MED12L: variants seen among roughly 807,000 people sequenced by gnomAD.
MED12L encodes mediator complex subunit 12L, also known as mediator of RNA polymerase II transcription subunit 12-like protein.
A neutral mutation model predicts 281.3 loss-of-function variants in MED12L; 60 were observed. That is an observed-to-expected ratio of 0.21 (90% CI 0.17 to 0.26). MED12L has a LOEUF of 0.26. Among genes scored for constraint, MED12L ranks in the 10% least tolerant of loss-of-function variants. The probability of loss-of-function intolerance (pLI) is 1.00; values close to 1 mark genes in which losing one functional copy is unlikely to be tolerated. For missense variants in MED12L, 2,146 were observed against 2,680.9 expected, an observed-to-expected ratio of 0.80 and a Z score of 4.41; for synonymous variants, 974 against 987.2, an observed-to-expected ratio of 0.99 and a Z score of 0.25.
chr3:151,220,055 T>C (rs1729035695), intron 16 of MED12L, among the ~76,000 whole-genome samples: 1 of 150,098 alleles, frequency 6.7e-6, no homozygotes, highest in African/African-American at 2.5e-5. Context: ...GGCCAGATAA[T>C]TATTTATTTT....
chr3:151,281,795 A>T (rs1742850129), intron 16 of MED12L, among the ~76,000 whole-genome samples: 1 of 152,150 alleles, frequency 6.6e-6, no homozygotes, highest in South Asian at 2.1e-4. Context: ...CCATTTAGAG[A>T]CAGGACTCTG....
intron 19 of MED12L, among the ~76,000 whole-genome samples, chr3:151,356,686 A>G (rs1753965143): frequency 6.6e-6 from 1 of 152,000 alleles, no homozygotes; most frequent in African/African-American, 2.4e-5. Flanking sequence ...AGCAAAGATG[A>G]AAGTTTATTT....
At chr3:151,259,712 A>G (rs568860337) in intron 16 of MED12L, among the ~76,000 whole-genome samples, 2 of 152,234 alleles carry the variant, frequency 1.3e-5, no homozygotes, top group African/African-American at 2.4e-5. Context: ...TCTACTGTGT[A>G]TAAATACTCT....
intron 43 of MED12L, among the ~76,000 whole-genome samples, chr3:151,428,262 C>G (rs898705328): frequency 1.3e-5 from 2 of 152,132 alleles, no homozygotes; most frequent in African/African-American, 4.8e-5. Context: ...GGAACAGTAC[C>G]TGGCACATAG....
In MED12L at chr3:151,434,953, A is replaced by G. The variant is rs1719935001; in HGVS notation, c.*2149A>G. 6.6e-6 allele frequency: 1 copy of G among 151,988 alleles called. No homozygotes were observed. Among genetic ancestry groups the G allele is most frequent in the African/African-American group, 2.4e-5 (1 of 41,388 alleles). 9.4% of individuals were successfully genotyped at this position (151,988 alleles called of 1,614,324 possible). On this transcript the variant is annotated 3_prime_UTR_variant, in exon 45 of 45. Transcript: ENST00000687756. Reference sequence around the variant, plus strand: ...CGACTCTAATTAATTCCACGATTCTATTGAAAGTTGAGGAATGCTGTTTTA... The same window carrying G: ...CGACTCTAATTAATTCCACGATTCTGTTGAAAGTTGAGGAATGCTGTTTTA...
At chr3:151,414,779 G>T (rs2108377520) in intron 42 of MED12L, among the ~76,000 whole-genome samples, 1 of 152,070 alleles carries the variant, frequency 6.6e-6, no homozygotes, top group South Asian at 2.1e-4. Context: ...ATGGCCTTCA[G>T]ATAGCAATCT....
chr3:151,374,830 C>T (rs1756631204), intron 27 of MED12L, among the ~76,000 whole-genome samples: 1 of 152,172 alleles, frequency 6.6e-6, no homozygotes, highest in South Asian at 2.1e-4. Context: ...AAAAAGTATA[C>T]TCAGAGATGT....
At chr3:151,285,643 A>T (rs929340726) in intron 16 of MED12L, among the ~76,000 whole-genome samples, 11 of 152,110 alleles carry the variant, frequency 7.2e-5, no homozygotes, top group Non-Finnish European at 1.5e-4. Flanking sequence ...GAACTTCTCC[A>T]TGTAACCAAG....
In MED12L at chr3:151,186,635, A is replaced by G. The variant is rs565834059; in HGVS notation, c.1626+1174A>G. On this transcript the variant is annotated intron_variant, in intron 12 of 44. Transcript: ENST00000687756. ...GCCTCTTCCTGGCATTCCCATCTCA[A>G]GAAGTGTACCTTCCTTTCCAGCATT... is the stretch of plus-strand genomic sequence containing the variant. 5.5e-4 allele frequency among the ~76,000 whole-genome samples: 83 copies of G among 152,272 alleles called. 3 individuals carry two copies. The South Asian group carries it at 0.014, about 25-fold the overall frequency.
At chr3:151,192,437 T>C in intron 14 of MED12L, 113 bp from the exon 15 acceptor site, 2 of 769,682 alleles carry the variant, frequency 2.6e-6, no homozygotes, top group Non-Finnish European at 4.3e-6. Context: ...AAGAAAACAA[T>C]ACGGGGAACA....
At chr3:151,337,759 C>T in intron 16 of MED12L, 1 of 1,543,058 alleles carries the variant, frequency 6.5e-7, no homozygotes. Context: ...TTACTTAGCG[C>T]TTTGCTTTAA....
chr3:151,352,419 C>G (rs1403452451), intron 17 of MED12L, among the ~76,000 whole-genome samples: 3 of 152,136 alleles, frequency 2.0e-5, no homozygotes, highest in African/African-American at 7.2e-5. Flanking sequence ...AACCAGAAAG[C>G]TGTTAATTTG....
chr3:151,264,476 G>A (rs1739464185), intron 16 of MED12L, among the ~76,000 whole-genome samples: 1 of 152,208 alleles, frequency 6.6e-6, no homozygotes, highest in South Asian at 2.1e-4. Flanking sequence ...ATTCAAACCT[G>A]AGCTTATTAG....
At chr3:151,271,834 T>C (rs1741008418) in intron 16 of MED12L, among the ~76,000 whole-genome samples, 1 of 152,176 alleles carries the variant, frequency 6.6e-6, no homozygotes, top group Admixed American at 6.5e-5. Flanking sequence ...TAAGCTCTAA[T>C]GAGAGAAATT....
chr3:151,260,059 C>T (rs1257394206), intron 16 of MED12L, among the ~76,000 whole-genome samples: 1 of 152,154 alleles, frequency 6.6e-6, no homozygotes, highest in African/African-American at 2.4e-5. Flanking sequence ...CCACAGCATT[C>T]AGCTCACTGC....
chr3:151,319,066 C>T (rs567924011), intron 16 of MED12L, among the ~76,000 whole-genome samples: 3 of 152,226 alleles, frequency 2.0e-5, no homozygotes, highest in Non-Finnish European at 2.9e-5. Flanking sequence ...AAAAAGTTAA[C>T]GCAAGGCAGC....
At chr3:151,355,810 C>CTG in intron 18 of MED12L, 86 bp from the exon 19 acceptor site, 1 of 1,223,652 alleles carries the variant, frequency 8.2e-7, no homozygotes, top group South Asian at 1.6e-5. Context: ...ATAGATTCAA[C>CTG]TGTCTTAAAA....
At chr3:151,278,209 C>T (rs1370523934) in intron 16 of MED12L, 1 of 152,160 alleles carries the variant, frequency 6.6e-6, no homozygotes, top group Admixed American at 6.5e-5. Flanking sequence ...TTGTTGCTGC[C>T]CAGCTCAGAA....
intron 1 of MED12L, chr3:151,086,430 A>T (rs887709651): frequency 6.7e-6 from 1 of 148,956 alleles, no homozygotes; most frequent in African/African-American, 2.5e-5. Flanking sequence ...GGGGAGGGCC[A>T]CCCTCGCCTT....
Sources: gnomAD v4.1 joint callset for allele counts (sites outside exome capture counted in the v4.1 genomes callset) on GRCh38, gnomAD v4.1.1 for gene constraint, MANE v1.5 for transcripts, NCBI Gene and HGNC (gene_info 2026-07-23, HGNC 2026-07-21) for gene names.